ZNF334: variants seen among roughly 807,000 people sequenced by gnomAD.
The protein encoded by ZNF334 is zinc finger protein 334.
ZNF334 carries 14 observed loss-of-function variants against 12.4 expected under a neutral mutation model. The ratio of observed to expected loss-of-function variants is 1.13; its 90% CI spans 0.74 to 1.76. The LOEUF is 1.76. Among genes scored for constraint, ZNF334 ranks in the 40% most tolerant of loss-of-function variants. ZNF334 has a pLI of 0.00. For missense variants in ZNF334, 797 were observed against 804.5 expected, an observed-to-expected ratio of 0.99 and a Z score of 0.11; for synonymous variants, 273 against 269.6, an observed-to-expected ratio of 1.01 and a Z score of -0.12.
chr20:46,467,298 A>G, the ZNF334 span, among the ~76,000 whole-genome samples: 1 of 152,176 alleles, frequency 6.6e-6, no homozygotes, highest in Non-Finnish European at 1.5e-5. Flanking sequence ...ATTTTTTGGG[A>G]AAAATAACGC....
chr20:46,491,226 T>C, the ZNF334 span: 1 of 152,694 alleles, frequency 6.5e-6, no homozygotes, highest in African/African-American at 2.4e-5. Flanking sequence ...GCCTTTAGGT[T>C]TCTCTCATCC....
chr20:46,464,719 C>T, the ZNF334 span: 3 of 469,704 alleles, frequency 6.4e-6, no homozygotes, highest in South Asian at 3.5e-5. Flanking sequence ...TGCTCTTTCT[C>T]TGATTCTCCC....
the ZNF334 span, chr20:46,491,520 G>C: frequency 6.5e-6 from 1 of 152,942 alleles, no homozygotes; most frequent in Non-Finnish European, 1.5e-5. Flanking sequence ...TCCTTTAAAA[G>C]CATCTCAAAT....
the ZNF334 span, among the ~76,000 whole-genome samples, chr20:46,462,384 G>A: frequency 6.6e-6 from 1 of 152,154 alleles, no homozygotes; most frequent in African/African-American, 2.4e-5. Context: ...TAGCAGAAAA[G>A]TGTGACTTAT....
Position 46,501,149 on chromosome 20 carries a change from T to G in ZNF334, c.*147A>C. On this transcript the variant is annotated 3_prime_UTR_variant, in exon 5 of 5. Transcript: ENST00000692313. Reference sequence around the variant, plus strand: ...TTTCTTTCCTACATGATTTCTCTGATGTTACATTGAGGGTTGACTTATGGC... The same window carrying G: ...TTTCTTTCCTACATGATTTCTCTGAGGTTACATTGAGGGTTGACTTATGGC... 1.2e-6 allele frequency: 1 copy of G among 826,770 alleles called. No homozygotes were observed. The highest frequency in any genetic ancestry group is 1.8e-6 in the Non-Finnish European group (1 of 541,608). 51.2% of individuals were successfully genotyped at this position (826,770 alleles called of 1,614,324 possible). A position where few individuals can be genotyped will look rare whatever the true frequency, so the allele number is the denominator to read the frequency against.
chr20:46,465,815 C>T, the ZNF334 span, among the ~76,000 whole-genome samples: 1 of 151,960 alleles, frequency 6.6e-6, no homozygotes, highest in Non-Finnish European at 1.5e-5. Flanking sequence ...ATTAGCCGGG[C>T]GTGGTGGCGA....
chr20:46,463,759 T>C, the ZNF334 span: 30 of 249,730 alleles, frequency 1.2e-4, no homozygotes, highest in Admixed American at 8.7e-4. Context: ...AGACAGGCCC[T>C]AGGTAAAAAT....
chr20:46,504,750 A>C lies in ZNF334; in HGVS notation c.22-10T>G. ...GGAATGAAACTGGTATCTGAAAGAAAATGTTTAATCTTGGGTGACCAAAAT... is the reference window on the plus strand; with the variant it reads ...GGAATGAAACTGGTATCTGAAAGAACATGTTTAATCTTGGGTGACCAAAAT... On this transcript the variant is annotated splice_polypyrimidine_tract_variant and intron_variant, in intron 2 of 4. Transcript: ENST00000692313. 1 of 1,596,214 alleles carries C rather than the reference A, an allele frequency of 6.3e-7. No homozygotes were observed. Among genetic ancestry groups the C allele is most frequent in the East Asian group, 2.2e-5 (1 of 44,638 alleles).
At chr20:46,504,387 G>A in intron 3 of ZNF334, 81 bp from the exon 4 acceptor site, 1 of 1,360,932 alleles carries the variant, frequency 7.3e-7, no homozygotes, top group Non-Finnish European at 1.0e-6. Flanking sequence ...TACAGCTTCA[G>A]AAGCTGTGCA....
downstream of ZNF334, among the ~76,000 whole-genome samples, chr20:46,498,878 G>C (rs2061068001): frequency 1.3e-5 from 2 of 152,288 alleles, no homozygotes; most frequent in Admixed American, 1.3e-4. Flanking sequence ...TGCACACTTA[G>C]AATGCCATGT....
At chr20:46,465,192 G>A in the ZNF334 span, 1 of 199,942 alleles carries the variant, frequency 5.0e-6, no homozygotes, top group Non-Finnish European at 1.0e-5. Context: ...TGGTGACTGT[G>A]GGATGGGGTG....
chr20:46,502,231 T>A lies in ZNF334; in HGVS notation c.1108A>T (p.Thr370Ser), dbSNP rs542643861. ...KKSYLVVHQR[T>S]HRGEKPNECK... ...TCATTTGGCTTCTCTCCTCTGTGAG[T>A]TCTTTGATGTACAACAAGATACGAT... Residue 370 changes from threonine (T) to serine (S), a missense_variant, in exon 5 of 5, where the codon ACT (threonine) becomes TCT (serine). Physicochemically the swap from Thr to Ser is moderately conservative, Grantham distance 58 (BLOSUM62 1). Transcript: ENST00000692313. The A allele has an allele frequency of 6.2e-7, 1 of 1,614,150 alleles. No individual in the cohort carries two copies. The highest frequency in any genetic ancestry group is 8.5e-7 in the Non-Finnish European group (1 of 1,180,022).
At chr20:46,468,838 C>T in the ZNF334 span, among the ~76,000 whole-genome samples, 4 of 152,150 alleles carry the variant, frequency 2.6e-5, no homozygotes, top group Non-Finnish European at 5.9e-5. Flanking sequence ...AGTCGAATCT[C>T]ACCTCCTACC....
At chr20:46,482,854 T>G in the ZNF334 span, among the ~76,000 whole-genome samples, 1 of 152,188 alleles carries the variant, frequency 6.6e-6, no homozygotes, top group East Asian at 1.9e-4. Flanking sequence ...TTCTACAGTG[T>G]GAATTGTCCT....
At chr20:46,474,832 C>T in the ZNF334 span, 1 of 152,192 alleles carries the variant, frequency 6.6e-6, no homozygotes, top group Non-Finnish European at 1.5e-5. Context: ...CAAATAATTT[C>T]ACCAATTGGC....
the ZNF334 span, among the ~76,000 whole-genome samples, chr20:46,466,517 T>G: frequency 1.3e-5 from 2 of 152,236 alleles, no homozygotes; most frequent in Admixed American, 1.3e-4. Flanking sequence ...AGAGTCTCGC[T>G]CCGTTGCCCA....
chr20:46,491,389 T>C, the ZNF334 span: 2 of 152,648 alleles, frequency 1.3e-5, no homozygotes, highest in African/African-American at 4.8e-5. Context: ...TAATTCATAC[T>C]AGAAAGAAAT....
Position 46,501,795 on chromosome 20 carries a change from T to G in ZNF334, c.1544A>C (p.Asn515Thr). ...SQCKRMNTKE[N>T]LYECSEHGHA... is the part of the protein sequence containing the mutation. ...CCCATGTTCACTACACTCATAAAGA[T>G]TCTCCTTTGTGTTCATTCTCTTACA... The change falls in exon 5 of 5, where the codon AAT (asparagine) becomes ACT (threonine). Residue 515 changes from asparagine to threonine, a missense_variant. By Grantham distance (65) the Asn-to-Thr change is moderately conservative. Coordinates refer to ENST00000692313, the MANE Select transcript of ZNF334 (RefSeq NM_001353824.2). 1 of 1,614,218 alleles carries G rather than the reference T, an allele frequency of 6.2e-7. No individual in the cohort carries two copies. The highest frequency in any genetic ancestry group is 8.5e-7 in the Non-Finnish European group (1 of 1,180,032).
chr20:46,472,805 C>T, the ZNF334 span, among the ~76,000 whole-genome samples: 5 of 152,102 alleles, frequency 3.3e-5, no homozygotes, highest in Admixed American at 6.5e-5. Flanking sequence ...CCTGACTGCA[C>T]GGGGGCAAGG....
Sources: gnomAD v4.1 joint callset for allele counts (sites outside exome capture counted in the v4.1 genomes callset) on GRCh38, gnomAD v4.1.1 for gene constraint, MANE v1.5 for transcripts, NCBI Gene and HGNC (gene_info 2026-07-23, HGNC 2026-07-21) for gene names.